CDH4: variants seen among roughly 807,000 people sequenced by gnomAD.
CDH4 encodes the protein cadherin 4, also known as cadherin-4.
In CDH4, 33 loss-of-function variants were observed where a neutral mutation model predicts 86.0. The observed-to-expected ratio is 0.38, with a 90% CI of 0.29 to 0.51. The LOEUF (loss-of-function observed/expected upper bound fraction) is 0.51. Among genes scored for constraint, CDH4 ranks in the 20% least tolerant of loss-of-function variants. The pLI is 0.86. For synonymous variants in CDH4, 555 were observed against 549.4 expected (o/e 1.01, Z -0.14); for missense variants, 1,114 against 1,307.4 (o/e 0.85, Z 2.28).
intron 2 of CDH4, among the ~76,000 whole-genome samples, chr20:61,557,742 G>T (rs542800218): frequency 1.4e-5 from 2 of 141,248 alleles, no homozygotes; most frequent in Non-Finnish European, 3.1e-5. Flanking sequence ...GAGAAGGCTC[G>T]TTAAGGGCGT....
At chr20:61,844,914 C>A in intron 5 of CDH4, 91 bp downstream of exon 5, 1 of 1,301,594 alleles carries the variant, frequency 7.7e-7, no homozygotes, top group South Asian at 1.5e-5. Flanking sequence ...AGGGCCATGC[C>A]TGCCCTAACT....
chr20:61,593,443 C>T, intron 2 of CDH4, among the ~76,000 whole-genome samples: 1 of 152,372 alleles, frequency 6.6e-6, no homozygotes, highest in East Asian at 1.9e-4. Flanking sequence ...TCCAGCATGG[C>T]TGTGCCATTT....
Position 61,314,405 on chromosome 20 carries a change from G to A in CDH4, c.169+59468G>A, listed in dbSNP as rs140320963. ...GGCCTGGCTTGTTTTATTTAGTATC[G>A]TGTCCTCCAGTTTCATCCATGTTGT... On this transcript the variant is annotated intron_variant, in intron 2 of 15. Transcript: ENST00000614565. Among the ~76,000 whole-genome samples the A allele has an allele frequency of 4.4e-3, 675 of 152,212 alleles. 8 individuals are homozygous for A. The highest frequency in any genetic ancestry group is 0.015 in the African/African-American group (642 of 41,524).
chr20:61,788,977 T>C (rs1211197225), intron 4 of CDH4, among the ~76,000 whole-genome samples: 1 of 152,236 alleles, frequency 6.6e-6, no homozygotes, highest in African/African-American at 2.4e-5. Flanking sequence ...AATGACTCTC[T>C]AAAACCATGC....
chr20:61,262,777 C>G (rs574267966), intron 2 of CDH4, among the ~76,000 whole-genome samples: 1 of 150,032 alleles, frequency 6.7e-6, no homozygotes, highest in Non-Finnish European at 1.5e-5. Context: ...CTTCCTCCTT[C>G]CCTCTCTCCT....
At chr20:61,740,172 C>CAGCT (rs1230818328) in intron 2 of CDH4, among the ~76,000 whole-genome samples, 4 of 152,268 alleles carry the variant, frequency 2.6e-5, no homozygotes, top group African/African-American at 9.6e-5. Flanking sequence ...TTAGAAAAGC[C>CAGCT]AGCTACGGTA....
At chr20:61,845,361 G>C (rs922901677) in intron 5 of CDH4, among the ~76,000 whole-genome samples, 1 of 152,180 alleles carries the variant, frequency 6.6e-6, no homozygotes, top group African/African-American at 2.4e-5. Flanking sequence ...CCTGTCAGGG[G>C]CTGTGCACGG....
In CDH4 at chr20:61,580,180, C is replaced by T. The variant is rs1308359981; in HGVS notation, c.170-163383C>T. On this transcript the variant is annotated intron_variant, in intron 2 of 15. Transcript: ENST00000614565. ...GCAAACTTCTGCTTTTCTGGCCAGG[C>T]GCAGTGGCTCACACCTGTAATCCTA... Among the ~76,000 whole-genome samples the T allele has an allele frequency of 5.3e-5, 8 of 151,902 alleles. 1 individual carries two copies. The highest frequency in any genetic ancestry group is 2.6e-4 in the Admixed American group (4 of 15,258).
At chr20:61,763,410 A>G (rs1539470) in intron 3 of CDH4, among the ~76,000 whole-genome samples, 1 of 152,006 alleles carries the variant, frequency 6.6e-6, no homozygotes, top group Non-Finnish European at 1.5e-5. Context: ...ATTCAAGAGG[A>G]CTGCTCTGGC....
At chr20:61,779,232 G>A (rs1254328679) in intron 4 of CDH4, among the ~76,000 whole-genome samples, 1 of 152,224 alleles carries the variant, frequency 6.6e-6, no homozygotes, top group Non-Finnish European at 1.5e-5. Flanking sequence ...GCAGGAATCA[G>A]CGAATCAGCT....
intron 2 of CDH4, among the ~76,000 whole-genome samples, chr20:61,712,874 C>T (rs545981517): frequency 1.1e-4 from 17 of 152,230 alleles, no homozygotes; most frequent in African/African-American, 3.6e-4. Flanking sequence ...TCTGACTCGC[C>T]GAGGGTGGTG....
In CDH4 at chr20:61,698,867, G is replaced by A. The variant is rs189351332; in HGVS notation, c.170-44696G>A. On this transcript the variant is annotated intron_variant, in intron 2 of 15. Transcript: ENST00000614565. ...TCCGCCTGATGTCGGGCTGCCTTGG[G>A]GCATGGGGCTGAGAGTTCGGAGTGT... 1.3e-3 allele frequency among the ~76,000 whole-genome samples: 194 copies of A among 152,348 alleles called. 1 individual carries two copies. The highest frequency in any genetic ancestry group is 1.7e-3 in the Non-Finnish European group (116 of 68,028).
intron 2 of CDH4, among the ~76,000 whole-genome samples, chr20:61,486,813 C>T (rs1002316822): frequency 6.6e-6 from 1 of 152,100 alleles, no homozygotes; most frequent in Non-Finnish European, 1.5e-5. Flanking sequence ...CACTTGGGCC[C>T]AGGAGTTCAA....
intron 2 of CDH4, among the ~76,000 whole-genome samples, chr20:61,565,311 TGGTGGC>T (rs1568688952): frequency 5.1e-5 from 6 of 117,072 alleles, no homozygotes; most frequent in East Asian, 2.9e-4. Flanking sequence ...GTGCTCTTGG[TGGTGGC>T]GGTGCTCTTG....
At chr20:61,797,087 C>T (rs867278725) in intron 4 of CDH4, among the ~76,000 whole-genome samples, 2 of 69,926 alleles carry the variant, frequency 2.9e-5, no homozygotes, top group African/African-American at 4.8e-5. Flanking sequence ...GGAAGAGCCC[C>T]CCCCCCCCCA....
intron 2 of CDH4, among the ~76,000 whole-genome samples, chr20:61,262,355 C>G (rs1240813459): frequency 1.3e-5 from 2 of 152,084 alleles, no homozygotes; most frequent in African/African-American, 4.8e-5. Context: ...TAACTTGAAA[C>G]AGTCTGAAGA....
chr20:61,657,298 G>A (rs1041262393), intron 2 of CDH4, among the ~76,000 whole-genome samples: 18 of 152,176 alleles, frequency 1.2e-4, no homozygotes, highest in African/African-American at 3.9e-4. Flanking sequence ...TCTGAATTAC[G>A]TACGCAGAAG....
chr20:61,423,799 A>G (rs2085193691), intron 2 of CDH4, among the ~76,000 whole-genome samples: 1 of 152,176 alleles, frequency 6.6e-6, no homozygotes, highest in South Asian at 2.1e-4. Context: ...AAGCAGTTCT[A>G]AGTGGATGGT....
chr20:61,773,031 T>C lies in CDH4; in HGVS notation c.425T>C (p.Leu142Pro), dbSNP rs745810086. Residue 142 changes from leucine to proline, a missense_variant, in exon 4 of 16, where the codon CTG (leucine) becomes CCG (proline). By Grantham distance (98) the Leu-to-Pro change is moderately conservative. This residue lies in a region of CDH4 where 221 missense variants were observed against 209.5 expected (regional missense o/e 1.05). Transcript: ENST00000614565. Reference sequence around the variant, plus strand: ...CAGAAAGGAAAGAAGGTCGTGGCTCTGGACCCCTCTCCGCCTCCGAAGGAC... The same window carrying C: ...CAGAAAGGAAAGAAGGTCGTGGCTCCGGACCCCTCTCCGCCTCCGAAGGAC... ...KPQKGKKVVALDPSPPPKDTL... is the reference protein window; with the variant it reads ...KPQKGKKVVAPDPSPPPKDTL... 1.9e-6 allele frequency: 3 copies of C among 1,613,328 alleles called. No homozygotes were observed. Among genetic ancestry groups the C allele is most frequent in the Non-Finnish European group, 2.5e-6 (3 of 1,179,570 alleles).
Sources: allele counts gnomAD v4.1 joint callset (sites outside exome capture counted in the v4.1 genomes callset), GRCh38; gene constraint gnomAD v4.1.1; regional missense constraint gnomAD v4.1.1; transcripts MANE v1.5; gene names NCBI Gene and HGNC (gene_info 2026-07-23, HGNC 2026-07-21).